The following NELL1 variants were observed in gnomAD, a reference collection of about 807,000 sequenced individuals.
NELL1 encodes the protein neural EGFL like 1.
NELL1 carries 76 observed loss-of-function variants against 107.4 expected under a neutral mutation model. That is an observed-to-expected ratio of 0.71 (90% CI 0.59 to 0.86). NELL1 has a LOEUF of 0.86. Ranked by LOEUF, NELL1 falls within the 40% of genes least tolerant of loss-of-function variation. The pLI, the probability that NELL1 is intolerant of heterozygous loss-of-function variation, is 0.00. For missense variants in NELL1, 1,024 were observed against 1,005.5 expected (o/e 1.02, Z -0.25); for synonymous variants, 353 against 341.2 (o/e 1.03, Z -0.38).
chr11:20,953,831 C>A (rs548776782), intron 11 of NELL1, among the ~76,000 whole-genome samples: 1 of 152,310 alleles, frequency 6.6e-6, no homozygotes, highest in East Asian at 1.9e-4. Flanking sequence ...CCTAGAGCAC[C>A]TTGCCCCTCT....
chr11:21,224,055 A>G (rs1857829892), intron 13 of NELL1, among the ~76,000 whole-genome samples: 2 of 152,150 alleles, frequency 1.3e-5, no homozygotes, highest in South Asian at 4.1e-4. Flanking sequence ...ATATCCTTAT[A>G]TGTGATTTGA....
At chr11:21,391,536 C>A (rs1322235963) in intron 15 of NELL1, among the ~76,000 whole-genome samples, 6 of 151,556 alleles carry the variant, frequency 4.0e-5, no homozygotes, top group Admixed American at 3.9e-4. Flanking sequence ...TCATATTTTT[C>A]TTTTTATTAT....
At chr11:20,883,125 G>A (rs1365942060) in intron 4 of NELL1, among the ~76,000 whole-genome samples, 3 of 152,066 alleles carry the variant, frequency 2.0e-5, no homozygotes, top group African/African-American at 7.2e-5. Context: ...GAACAGATTT[G>A]GCAGGGCTGC....
intron 2 of NELL1, among the ~76,000 whole-genome samples, chr11:20,697,197 C>T (rs987774107): frequency 6.6e-6 from 1 of 152,102 alleles, no homozygotes; most frequent in African/African-American, 2.4e-5. Context: ...TAAACACCAG[C>T]ATTAGATTTT....
chr11:21,470,202 A>G (rs1228748567), intron 15 of NELL1, among the ~76,000 whole-genome samples: 1 of 152,060 alleles, frequency 6.6e-6, no homozygotes, highest in African/African-American at 2.4e-5. Context: ...GGTACAAAGT[A>G]ATCATGCTAA....
chr11:20,989,420 A>T (rs1264511377), intron 12 of NELL1, among the ~76,000 whole-genome samples: 1 of 152,192 alleles, frequency 6.6e-6, no homozygotes, highest in East Asian at 1.9e-4. Context: ...AGGCCAGGGT[A>T]TTGAGACTGC....
chr11:21,034,520 C>T (rs12274343), intron 12 of NELL1, among the ~76,000 whole-genome samples: 9,976 of 152,098 alleles, frequency 0.066, 1,102 homozygotes, highest in African/African-American at 0.23. Flanking sequence ...TGAGCAAATG[C>T]GAAAGACCTG....
intron 12 of NELL1, among the ~76,000 whole-genome samples, chr11:21,050,974 G>A (rs1853478481): frequency 6.6e-6 from 1 of 152,154 alleles, no homozygotes; most frequent in Non-Finnish European, 1.5e-5. Flanking sequence ...AGGGTCAGGA[G>A]CCTCATATAG....
intron 15 of NELL1, among the ~76,000 whole-genome samples, chr11:21,435,898 A>G (rs1459280878): frequency 2.0e-5 from 3 of 152,112 alleles, no homozygotes; most frequent in African/African-American, 7.2e-5. Flanking sequence ...AATCTTTAGA[A>G]TAGTATAAGA....
intron 3 of NELL1, among the ~76,000 whole-genome samples, chr11:20,843,721 TGGG>T (rs1172808708): frequency 6.6e-6 from 1 of 150,386 alleles, no homozygotes; most frequent in Non-Finnish European, 1.5e-5. Flanking sequence ...GTATCAATTT[TGGG>T]GAAAATGATA....
intron 15 of NELL1, among the ~76,000 whole-genome samples, chr11:21,470,291 T>G (rs978716066): frequency 3.3e-5 from 5 of 152,040 alleles, no homozygotes; most frequent in Non-Finnish European, 7.4e-5. Context: ...TCCCTTTGCT[T>G]AGACTCGAGA....
At chr11:21,374,829 T>A (rs1851433156) in intron 15 of NELL1, among the ~76,000 whole-genome samples, 1 of 151,832 alleles carries the variant, frequency 6.6e-6, no homozygotes, top group African/African-American at 2.4e-5. Context: ...TTATCTGACG[T>A]TGAACAGCCA....
At chr11:21,534,332 G>T (rs780622680) in intron 15 of NELL1, 42 bp from the exon 16 acceptor site, 147 of 1,612,088 alleles carry the variant, frequency 9.1e-5, no homozygotes, top group Middle Eastern at 3.3e-4. Flanking sequence ...AGTGTCAAAA[G>T]AAATTAATAT....
chr11:21,008,877 A>G (rs1391041153), intron 12 of NELL1, among the ~76,000 whole-genome samples: 3 of 152,142 alleles, frequency 2.0e-5, no homozygotes, highest in Non-Finnish European at 4.4e-5. Flanking sequence ...AGAATTTAAC[A>G]TGGAGGAGAA....
At chr11:20,959,016 G>A (rs939203356) in intron 11 of NELL1, among the ~76,000 whole-genome samples, 1 of 152,166 alleles carries the variant, frequency 6.6e-6, no homozygotes, top group African/African-American at 2.4e-5. Context: ...TTTACTCACT[G>A]GAATGTCTTT....
intron 2 of NELL1, among the ~76,000 whole-genome samples, chr11:20,743,071 G>A (rs891582832): frequency 2.6e-5 from 4 of 152,094 alleles, no homozygotes; most frequent in Admixed American, 6.6e-5. Context: ...CAGTGACTCT[G>A]GGTGGGCACG....
At chr11:21,531,427 T>A (rs992096399) in intron 15 of NELL1, among the ~76,000 whole-genome samples, 12 of 152,162 alleles carry the variant, frequency 7.9e-5, no homozygotes, top group African/African-American at 2.7e-4. Flanking sequence ...TATTTCACCA[T>A]TTGTAAGCTG....
intron 12 of NELL1, among the ~76,000 whole-genome samples, chr11:21,021,093 C>T (rs995381483): frequency 3.3e-5 from 5 of 151,298 alleles, no homozygotes; most frequent in Admixed American, 3.3e-4. Context: ...TTCACAACTA[C>T]CAAATGTTCT....
chr11:21,495,062 C>A (rs746134034), intron 15 of NELL1, among the ~76,000 whole-genome samples: 12 of 152,016 alleles, frequency 7.9e-5, no homozygotes, highest in Non-Finnish European at 1.5e-4. Flanking sequence ...ATGAGTAAAT[C>A]AGTTTTTCAA....
Sources: allele counts gnomAD v4.1 joint callset (sites outside exome capture counted in the v4.1 genomes callset), GRCh38; gene constraint gnomAD v4.1.1; transcripts MANE v1.5; gene names NCBI Gene and HGNC (gene_info 2026-07-23, HGNC 2026-07-21).